Variants in SPATA6 observed in about 807,000 individuals in gnomAD.
The protein encoded by SPATA6 is spermatogenesis associated 6.
Under a neutral mutation model 65.3 loss-of-function variants are expected in SPATA6, and 56 were observed. The ratio of observed to expected loss-of-function variants is 0.86; its 90% CI spans 0.69 to 1.07. SPATA6 has a LOEUF of 1.07. Among genes scored for constraint, SPATA6 ranks in the 50% least tolerant of loss-of-function variants. SPATA6 has a pLI of 0.00. For missense variants in SPATA6, 590 were observed against 594.8 expected, an observed-to-expected ratio of 0.99 and a Z score of 0.08; for synonymous variants, 199 against 213.2, an observed-to-expected ratio of 0.93 and a Z score of 0.58.
At chr1:48,459,711 T>C (rs1211423382) in intron 1 of SPATA6, among the ~76,000 whole-genome samples, 2 of 152,052 alleles carry the variant, frequency 1.3e-5, no homozygotes. Flanking sequence ...CTGTGAGTCA[T>C]AAAACAAGTC....
the SPATA6 span, among the ~76,000 whole-genome samples, chr1:48,265,406 C>A: frequency 4.9e-3 from 732 of 149,750 alleles, 2 homozygotes; most frequent in African/African-American, 0.013. Flanking sequence ...AAAAAAAAAA[C>A]CCCTGGGATT....
intron 11 of SPATA6, among the ~76,000 whole-genome samples, chr1:48,310,224 C>T (rs1042974546): frequency 1.3e-5 from 2 of 152,178 alleles, no homozygotes; most frequent in Non-Finnish European, 2.9e-5. Flanking sequence ...AAAGATTTTG[C>T]ACTGGGAAAG....
intron 9 of SPATA6, among the ~76,000 whole-genome samples, chr1:48,369,570 C>A (rs1256986076): frequency 6.6e-6 from 1 of 152,214 alleles, no homozygotes; most frequent in Non-Finnish European, 1.5e-5. Flanking sequence ...GGGCGTAGGA[C>A]CCTCCGAGCC....
intron 1 of SPATA6, among the ~76,000 whole-genome samples, chr1:48,455,955 G>A (rs1656969556): frequency 1.3e-5 from 2 of 152,102 alleles, no homozygotes; most frequent in African/African-American, 4.8e-5. Context: ...GGGACAAACA[G>A]AAAATACCTA....
chr1:48,301,529 CCACA>C (rs536865372), intron 12 of SPATA6, among the ~76,000 whole-genome samples: 1 of 151,034 alleles, frequency 6.6e-6, no homozygotes, highest in African/African-American at 2.4e-5. Context: ...TTATTTGGAA[CCACA>C]CACACACACA....
chr1:48,361,512 A>T (rs1646811777), intron 9 of SPATA6, among the ~76,000 whole-genome samples: 1 of 152,178 alleles, frequency 6.6e-6, no homozygotes, highest in Admixed American at 6.6e-5. Context: ...AATTGGATTC[A>T]TTTAACAAAT....
chr1:48,456,230 C>T (rs1407004972), intron 1 of SPATA6, among the ~76,000 whole-genome samples: 1 of 152,152 alleles, frequency 6.6e-6, no homozygotes, highest in Non-Finnish European at 1.5e-5. Context: ...TTGGTTCAAA[C>T]ATTTAAGGAA....
chr1:48,459,956 T>C (rs1657302833), intron 1 of SPATA6, among the ~76,000 whole-genome samples: 1 of 151,968 alleles, frequency 6.6e-6, no homozygotes. Context: ...GTATCAAAAT[T>C]TGTGGGATGT....
chr1:48,290,369 C>A, the SPATA6 span, among the ~76,000 whole-genome samples: 3 of 152,320 alleles, frequency 2.0e-5, no homozygotes, highest in East Asian at 5.8e-4. Context: ...TCGAAAGGAA[C>A]AACTGGTACC....
At chr1:48,404,239 T>TA (rs1651464254) in intron 5 of SPATA6, among the ~76,000 whole-genome samples, 3 of 151,924 alleles carry the variant, frequency 2.0e-5, no homozygotes, top group African/African-American at 7.3e-5. Flanking sequence ...TTTTACAACT[T>TA]ACGACATATT....
chr1:48,333,019 T>C (rs770565112), intron 11 of SPATA6, among the ~76,000 whole-genome samples: 1 of 152,198 alleles, frequency 6.6e-6, no homozygotes, highest in Admixed American at 6.5e-5. Flanking sequence ...TAATGTTAAG[T>C]GTCAACTTGA....
rs1336731214 is a variant in SPATA6 at position 48,350,294 on chromosome 1, TTTTC to T, written c.1194+5372_1194+5375del. 4.6e-5 allele frequency among the ~76,000 whole-genome samples: 7 copies of T among 151,434 alleles called. No homozygotes were observed. The East Asian group carries it at 1.2e-3, about 25-fold the overall frequency. ...TTAAGTTTGGATAGTTGTTTTGTGCTTTTCTTTCTTTTTTTTTTTTCCTAACTCT... is the reference window on the plus strand; with the variant it reads ...TTAAGTTTGGATAGTTGTTTTGTGCTTTTCTTTTTTTTTTTTCCTAACTCT... On this transcript the variant is annotated intron_variant, in intron 11 of 12. Transcript: ENST00000371847.
intron 12 of SPATA6, among the ~76,000 whole-genome samples, chr1:48,303,062 G>A (rs1644978681): frequency 6.6e-6 from 1 of 151,924 alleles, no homozygotes; most frequent in Non-Finnish European, 1.5e-5. Flanking sequence ...AGTGGTAGAC[G>A]GGGATGGAAC....
intron 9 of SPATA6, among the ~76,000 whole-genome samples, chr1:48,362,882 A>G (rs2148825056): frequency 6.6e-6 from 1 of 152,286 alleles, no homozygotes; most frequent in African/African-American, 2.4e-5. Flanking sequence ...GGAGGGATAC[A>G]TTGTACAAGA....
At chr1:48,453,463 T>C (rs1009927109) in intron 1 of SPATA6, among the ~76,000 whole-genome samples, 3 of 152,170 alleles carry the variant, frequency 2.0e-5, no homozygotes, top group Admixed American at 1.3e-4. Flanking sequence ...ATAAAGTTAT[T>C]CAGCATCATT....
chr1:48,273,139 G>A, the SPATA6 span, among the ~76,000 whole-genome samples: 4 of 151,846 alleles, frequency 2.6e-5, no homozygotes, highest in Non-Finnish European at 5.9e-5. Flanking sequence ...CTTTATTTTT[G>A]CTTTTGTTGT....
At chr1:48,279,253 C>T in the SPATA6 span, among the ~76,000 whole-genome samples, 79 of 152,284 alleles carry the variant, frequency 5.2e-4, no homozygotes, top group African/African-American at 1.7e-3. Flanking sequence ...ACCATCGAGG[C>T]TAGGAAGAAA....
chr1:48,437,153 C>T (rs1655013912), intron 3 of SPATA6: 1 of 1,604,624 alleles, frequency 6.2e-7, no homozygotes, highest in South Asian at 1.1e-5. Flanking sequence ...ATACCATTGC[C>T]TCCAGTGTTA....
chr1:48,376,737 TAG>T (rs1647962565), intron 9 of SPATA6, among the ~76,000 whole-genome samples: 1 of 152,126 alleles, frequency 6.6e-6, no homozygotes, highest in South Asian at 2.1e-4. Context: ...GCAAACATCA[TAG>T]AGTGTACTTA....
Sources: gnomAD v4.1 joint callset for allele counts (sites outside exome capture counted in the v4.1 genomes callset) on GRCh38, gnomAD v4.1.1 for gene constraint, MANE v1.5 for transcripts, NCBI Gene and HGNC (gene_info 2026-07-23, HGNC 2026-07-21) for gene names.